Variants in POPDC1 observed in about 807,000 individuals in gnomAD.
POPDC1 encodes the protein popeye domain cAMP effector 1.
chr6:105,121,131 C>T, the POPDC1 span, among the ~76,000 whole-genome samples: 1 of 152,118 alleles, frequency 6.6e-6, no homozygotes, highest in Non-Finnish European at 1.5e-5. Context: ...GGCTTTGCAA[C>T]ACCAGGACAT....
chr6:105,118,467 C>T, the POPDC1 span, among the ~76,000 whole-genome samples: 1 of 152,202 alleles, frequency 6.6e-6, no homozygotes, highest in Admixed American at 6.5e-5. Flanking sequence ...CACTAAATTT[C>T]ATTCATTCTT....
chr6:105,113,661 C>T, the POPDC1 span, among the ~76,000 whole-genome samples: 14 of 152,088 alleles, frequency 9.2e-5, no homozygotes, highest in African/African-American at 3.4e-4. Flanking sequence ...CAGCACCCGA[C>T]CTTCATGTGA....
At chr6:105,106,415 G>A in the POPDC1 span, among the ~76,000 whole-genome samples, 1 of 152,220 alleles carries the variant, frequency 6.6e-6, no homozygotes, top group African/African-American at 2.4e-5. Flanking sequence ...GCCGTGCTGA[G>A]GGTGAGAAAG....
chr6:105,116,090 T>TA, the POPDC1 span, among the ~76,000 whole-genome samples: 1 of 152,218 alleles, frequency 6.6e-6, no homozygotes, highest in Non-Finnish European at 1.5e-5. Flanking sequence ...CTTAATTTGA[T>TA]AAACAGTCCA....
chr6:105,136,290 G>A, the POPDC1 span: 2 of 152,314 alleles, frequency 1.3e-5, no homozygotes, highest in African/African-American at 4.8e-5. Context: ...CAAAGGCTCG[G>A]GGAAGGAGGT....
At chr6:105,136,640 C>G in the POPDC1 span, 1 of 152,504 alleles carries the variant, frequency 6.6e-6, no homozygotes, top group South Asian at 2.1e-4. Context: ...TCGGTGGGGC[C>G]GAGGGCCCGG....
At chr6:105,134,143 T>C in the POPDC1 span, among the ~76,000 whole-genome samples, 1 of 152,136 alleles carries the variant, frequency 6.6e-6, no homozygotes, top group Non-Finnish European at 1.5e-5. Context: ...GTATCATACA[T>C]ACATAATACA....
the POPDC1 span, chr6:105,125,551 T>C: frequency 4.3e-6 from 7 of 1,613,938 alleles, no homozygotes; most frequent in Non-Finnish European, 5.9e-6. Flanking sequence ...CGCCGGTACA[T>C]GCCACTGAGT....
the POPDC1 span, among the ~76,000 whole-genome samples, chr6:105,110,688 AT>A: frequency 2.1e-3 from 313 of 151,168 alleles, 2 homozygotes; most frequent in African/African-American, 7.0e-3. Context: ...CCACAACAGC[AT>A]TTTTTTTTCT....
chr6:105,124,800 C>G, the POPDC1 span: 2 of 635,092 alleles, frequency 3.1e-6, no homozygotes, highest in Non-Finnish European at 5.4e-6. Flanking sequence ...AAAAGCACTT[C>G]TTGAGGCACA....
the POPDC1 span, among the ~76,000 whole-genome samples, chr6:105,106,910 T>C: frequency 3.9e-5 from 6 of 152,200 alleles, no homozygotes; most frequent in African/African-American, 7.2e-5. Flanking sequence ...TCAGGGTAAA[T>C]AGGCTATCCA....
the POPDC1 span, among the ~76,000 whole-genome samples, chr6:105,103,316 T>C: frequency 6.6e-6 from 1 of 152,212 alleles, no homozygotes; most frequent in South Asian, 2.1e-4. Context: ...TCAATTACTA[T>C]GGTCTTTGGA....
At chr6:105,122,374 C>T in the POPDC1 span, among the ~76,000 whole-genome samples, 1 of 152,110 alleles carries the variant, frequency 6.6e-6, no homozygotes, top group Admixed American at 6.5e-5. Context: ...TTCTAATTAC[C>T]GGGAATAATT....
chr6:105,115,572 T>A, the POPDC1 span: 1 of 1,314,128 alleles, frequency 7.6e-7, no homozygotes, highest in Non-Finnish European at 1.0e-6. Context: ...TACCTTTAGG[T>A]TGCCTTTCAA....
the POPDC1 span, chr6:105,124,424 A>T: frequency 6.4e-5 from 40 of 627,402 alleles, no homozygotes; most frequent in East Asian, 6.4e-4. Context: ...AATACTATAT[A>T]TGCCCTATGG....
At chr6:105,133,706 G>A in the POPDC1 span, 5 of 662,424 alleles carry the variant, frequency 7.5e-6, no homozygotes, top group African/African-American at 7.3e-5. Context: ...TAGTGCTTAT[G>A]AATTAGACAG....
chr6:105,121,820 G>C, the POPDC1 span, among the ~76,000 whole-genome samples: 137,173 of 152,232 alleles, frequency 0.9, 62,239 homozygotes, highest in Non-Finnish European at 0.96. Flanking sequence ...CCTTTTCATC[G>C]TACTGTACAA....
chr6:105,123,832 A>C, the POPDC1 span, among the ~76,000 whole-genome samples: 2 of 152,238 alleles, frequency 1.3e-5, no homozygotes, highest in Admixed American at 1.3e-4. Flanking sequence ...CATTCATAAG[A>C]ATTAACAAAA....
chr6:105,111,817 C>T, the POPDC1 span, among the ~76,000 whole-genome samples: 73 of 152,328 alleles, frequency 4.8e-4, no homozygotes, highest in African/African-American at 1.7e-3. Context: ...TAGTTTCCCT[C>T]CACCTTTTTC....
Sources: allele counts gnomAD v4.1 joint callset (sites outside exome capture counted in the v4.1 genomes callset), GRCh38; gene constraint gnomAD v4.1.1; transcripts MANE v1.5; gene names NCBI Gene and HGNC (gene_info 2026-07-23, HGNC 2026-07-21).